Variants in SYNPO2 observed in about 807,000 individuals in gnomAD.
SYNPO2 encodes synaptopodin-2.
A neutral mutation model predicts 85.0 loss-of-function variants in SYNPO2; 56 were observed. The ratio of observed to expected loss-of-function variants is 0.66; its 90% CI spans 0.53 to 0.82. The LOEUF (loss-of-function observed/expected upper bound fraction) is 0.82, where lower values mean the gene tolerates loss of function less well. SYNPO2 is among the 40% of genes least tolerant of loss of function. SYNPO2 has a pLI of 0.00. For missense variants in SYNPO2, 1,575 were observed against 1,534.2 expected (o/e 1.03, Z -0.44); for synonymous variants, 602 against 591.1 (o/e 1.02, Z -0.27).
intron 4 of SYNPO2, chr4:119,043,725 G>A (rs1003491226): frequency 1.2e-4 from 18 of 152,110 alleles, no homozygotes; most frequent in African/African-American, 4.1e-4. Flanking sequence ...ATCACTTGAG[G>A]TCAGGAGTTT....
chr4:118,867,498 C>G (rs991047739), intron 1 of SYNPO2, among the ~76,000 whole-genome samples: 3 of 148,726 alleles, frequency 2.0e-5, no homozygotes, highest in African/African-American at 7.4e-5. Flanking sequence ...TAGACTGCCT[C>G]TGTAACCTTT....
chr4:118,955,169 T>G (rs1378172734), intron 1 of SYNPO2, among the ~76,000 whole-genome samples: 1 of 151,914 alleles, frequency 6.6e-6, no homozygotes, highest in Non-Finnish European at 1.5e-5. Context: ...CTGGGTAACG[T>G]TTGCATTTTT....
chr4:118,985,392 C>T (rs557374376), intron 1 of SYNPO2, among the ~76,000 whole-genome samples: 1 of 152,334 alleles, frequency 6.6e-6, no homozygotes, highest in South Asian at 2.1e-4. Context: ...CTCTGACTCC[C>T]TGTGGAAGCT....
At chr4:118,939,331 C>T (rs967528755) in intron 1 of SYNPO2, among the ~76,000 whole-genome samples, 2 of 152,148 alleles carry the variant, frequency 1.3e-5, no homozygotes, top group African/African-American at 2.4e-5. Context: ...AGTTGCTGAG[C>T]GACGCTCAAG....
In SYNPO2 at chr4:119,026,919, T is replaced by C; in HGVS notation, c.550T>C (p.Leu184=). The C allele has an allele frequency of 6.2e-7, 1 of 1,614,160 alleles. No individual in the cohort carries two copies. The highest frequency in any genetic ancestry group is 8.5e-7 in the Non-Finnish European group (1 of 1,180,044). Residue 184 remains leucine (L), a synonymous_variant, in exon 3 of 5, where the codon TTA becomes CTA. Coordinates refer to ENST00000307142, the MANE Select transcript of SYNPO2 (RefSeq NM_133477.3). ...QRGRVAEELI[L]REKVEAVQPG... ...AGGACGCGTGGCAGAAGAGCTGATC[T>C]TAAGGGAGAAGGTAGAAGCGGTACA...
intron 1 of SYNPO2, among the ~76,000 whole-genome samples, chr4:118,915,495 A>T (rs1733285968): frequency 6.6e-6 from 1 of 152,142 alleles, no homozygotes; most frequent in Non-Finnish European, 1.5e-5. Context: ...TACCACTAGG[A>T]TTTATCCATA....
intron 1 of SYNPO2, among the ~76,000 whole-genome samples, chr4:118,853,431 C>T (rs763916782): frequency 2.6e-5 from 4 of 152,018 alleles, no homozygotes; most frequent in South Asian, 4.2e-4. Context: ...AACAAAATGT[C>T]GGCATGAATT....
At chr4:119,018,321 C>T (rs181309044) in intron 1 of SYNPO2, among the ~76,000 whole-genome samples, 18 of 152,134 alleles carry the variant, frequency 1.2e-4, no homozygotes, top group African/African-American at 2.4e-4. Flanking sequence ...GTATATGTAC[C>T]GCTTTTTCTT....
intron 1 of SYNPO2, among the ~76,000 whole-genome samples, chr4:118,977,409 C>T (rs1735829481): frequency 6.6e-6 from 1 of 152,248 alleles, no homozygotes; most frequent in Non-Finnish European, 1.5e-5. Flanking sequence ...GCACGCAGCC[C>T]CGGTTCCCGC....
intron 1 of SYNPO2, among the ~76,000 whole-genome samples, chr4:118,900,693 C>CTATA (rs1451002170): frequency 2.6e-4 from 13 of 49,954 alleles, no homozygotes; most frequent in African/African-American, 6.3e-4. Context: ...CTCTCTCTCT[C>CTATA]TCTCTCTCTC....
chr4:119,038,655 T>A, intron 4 of SYNPO2: 2 of 804,364 alleles, frequency 2.5e-6, no homozygotes, highest in Non-Finnish European at 3.0e-6. Context: ...CAAGAATAAT[T>A]CTAAACAGAA....
chr4:119,044,083 C>G (rs1179772675), intron 4 of SYNPO2: 2 of 151,958 alleles, frequency 1.3e-5, no homozygotes, highest in East Asian at 3.9e-4. Context: ...CCCGAGACAT[C>G]CTTTCAGTGA....
intron 1 of SYNPO2, among the ~76,000 whole-genome samples, chr4:118,933,514 G>A (rs185441773): frequency 3.9e-5 from 6 of 152,296 alleles, no homozygotes; most frequent in South Asian, 4.1e-4. Context: ...TTTAGCCTCA[G>A]TATATGTTTG....
At chr4:118,883,649 C>A (rs960926422) in intron 1 of SYNPO2, among the ~76,000 whole-genome samples, 4 of 151,874 alleles carry the variant, frequency 2.6e-5, no homozygotes, top group Non-Finnish European at 5.9e-5. Flanking sequence ...TAGAGTTAGT[C>A]CCAGAAGACC....
At chr4:118,935,891 C>T (rs139266707) in intron 1 of SYNPO2, among the ~76,000 whole-genome samples, 125 of 152,266 alleles carry the variant, frequency 8.2e-4, no homozygotes, top group African/African-American at 2.9e-3. Flanking sequence ...CCCTTGTCAT[C>T]TTCATGTTGA....
At chr4:118,887,166 A>AGTGAGT (rs1553935343), upstream of SYNPO2, among the ~76,000 whole-genome samples, 7 of 139,144 alleles carry the variant, frequency 5.0e-5, no homozygotes, top group Middle Eastern at 7.3e-3. Flanking sequence ...CATCTGAGTG[A>AGTGAGT]GTGTGTGTGT....
chr4:119,025,616 C>T (rs1040993181), intron 2 of SYNPO2, among the ~76,000 whole-genome samples: 5 of 152,018 alleles, frequency 3.3e-5, no homozygotes, highest in Admixed American at 6.5e-5. Flanking sequence ...TAGAAGCTCA[C>T]GCCCTTCAGC....
intron 1 of SYNPO2, among the ~76,000 whole-genome samples, chr4:119,011,170 C>T (rs954724256): frequency 6.6e-6 from 1 of 152,360 alleles, no homozygotes; most frequent in Middle Eastern, 3.4e-3. Flanking sequence ...ATCACTGCCA[C>T]AGCCCAGTTC....
At chr4:119,032,083 C>G in intron 4 of SYNPO2, 56 bp downstream of exon 4, 1 of 1,588,556 alleles carries the variant, frequency 6.3e-7, no homozygotes, top group African/African-American at 1.3e-5. Flanking sequence ...TGAGTGTCCA[C>G]TTTGCTTGAA....
Sources: allele counts gnomAD v4.1 joint callset (sites outside exome capture counted in the v4.1 genomes callset), GRCh38; gene constraint gnomAD v4.1.1; transcripts MANE v1.5; gene names NCBI Gene and HGNC (gene_info 2026-07-23, HGNC 2026-07-21).